The following INPP4B variants were observed in gnomAD, a reference collection of about 807,000 sequenced individuals.
The protein encoded by INPP4B is inositol polyphosphate 4-phosphatase type II.
In INPP4B, 55 loss-of-function variants were observed where a neutral mutation model predicts 122.5. That is an observed-to-expected ratio of 0.45 (90% CI 0.36 to 0.56). The LOEUF is 0.56. INPP4B is among the 20% of genes least tolerant of loss of function. The pLI is 0.00. For synonymous variants in INPP4B, 403 were observed against 388.7 expected, an observed-to-expected ratio of 1.04 and a Z score of -0.43; for missense variants, 1,000 against 1,097.7, an observed-to-expected ratio of 0.91 and a Z score of 1.26.
At chr4:142,717,186 A>T (rs1763888703) in intron 2 of INPP4B, among the ~76,000 whole-genome samples, 1 of 152,196 alleles carries the variant, frequency 6.6e-6, no homozygotes, top group Admixed American at 6.5e-5. Flanking sequence ...CATGCTAATG[A>T]GATTAGTGGC....
intron 1 of INPP4B, among the ~76,000 whole-genome samples, chr4:142,766,339 C>A (rs866810145): frequency 6.6e-6 from 1 of 151,554 alleles, no homozygotes; most frequent in Non-Finnish European, 1.5e-5. Context: ...TTAAATAATT[C>A]GTTTATGGTT....
chr4:142,207,530 C>A (rs1843047849), intron 14 of INPP4B, among the ~76,000 whole-genome samples: 1 of 152,228 alleles, frequency 6.6e-6, no homozygotes, highest in South Asian at 2.1e-4. Context: ...TGTTTGTATG[C>A]ATTTTCATGT....
chr4:142,065,199 G>C (rs910446009), intron 25 of INPP4B, among the ~76,000 whole-genome samples: 7 of 151,496 alleles, frequency 4.6e-5, no homozygotes, highest in Non-Finnish European at 1.0e-4. Context: ...GTAAGTGCAA[G>C]AGTAATGTCA....
chr4:142,633,219 A>G, intron 2 of INPP4B, among the ~76,000 whole-genome samples: 1 of 152,218 alleles, frequency 6.6e-6, no homozygotes, highest in East Asian at 1.9e-4. Context: ...AAATTTGTAA[A>G]CACCTAATAC....
chr4:142,703,430 G>T (rs1762065997), intron 2 of INPP4B, among the ~76,000 whole-genome samples: 1 of 152,096 alleles, frequency 6.6e-6, no homozygotes, highest in Admixed American at 6.5e-5. Flanking sequence ...AACATTATGA[G>T]GGGCAGAGAT....
At chr4:142,490,915 A>G (rs937240415) in intron 2 of INPP4B, among the ~76,000 whole-genome samples, 2 of 152,210 alleles carry the variant, frequency 1.3e-5, no homozygotes, top group South Asian at 2.1e-4. Flanking sequence ...TTAAGGCTGA[A>G]TAGTATAATA....
At chr4:142,807,303 A>G (rs1238311357) in intron 1 of INPP4B, among the ~76,000 whole-genome samples, 1 of 152,204 alleles carries the variant, frequency 6.6e-6, no homozygotes, top group Non-Finnish European at 1.5e-5. Context: ...TTGAAAACAG[A>G]CCATAGGAAT....
intron 2 of INPP4B, among the ~76,000 whole-genome samples, chr4:142,720,068 T>C (rs781653597): frequency 1.3e-5 from 2 of 152,206 alleles, no homozygotes; most frequent in African/African-American, 2.4e-5. Context: ...GTACAATTCC[T>C]GACAAATTAC....
chr4:142,325,530 A>G (rs1293040079), intron 7 of INPP4B, among the ~76,000 whole-genome samples: 1 of 152,128 alleles, frequency 6.6e-6, no homozygotes, highest in East Asian at 1.9e-4. Context: ...ATCATCTTTC[A>G]AATGTCAAAG....
chr4:142,704,031 G>A (rs1005145218), intron 2 of INPP4B, among the ~76,000 whole-genome samples: 5 of 152,088 alleles, frequency 3.3e-5, no homozygotes, highest in Non-Finnish European at 5.9e-5. Flanking sequence ...AGAGTGTGTC[G>A]GTAGGAATAT....
At chr4:142,838,734 T>C (rs899455672) in intron 1 of INPP4B, among the ~76,000 whole-genome samples, 14 of 152,208 alleles carry the variant, frequency 9.2e-5, no homozygotes, top group African/African-American at 3.1e-4. Context: ...GTCACAAAGA[T>C]TCATACATAG....
intron 2 of INPP4B, among the ~76,000 whole-genome samples, chr4:142,599,803 C>A (rs962813777): frequency 6.6e-6 from 1 of 151,646 alleles, no homozygotes; most frequent in African/African-American, 2.4e-5. Context: ...ATTTATACTA[C>A]GAGTGAGAAA....
At chr4:142,520,168 C>T (rs1199770830) in intron 2 of INPP4B, among the ~76,000 whole-genome samples, 1 of 151,900 alleles carries the variant, frequency 6.6e-6, no homozygotes, top group Non-Finnish European at 1.5e-5. Context: ...GCATGAATTA[C>T]AGCAAAATAA....
intron 1 of INPP4B, among the ~76,000 whole-genome samples, chr4:142,799,370 C>T (rs1270768981): frequency 6.6e-6 from 1 of 151,760 alleles, no homozygotes; most frequent in Non-Finnish European, 1.5e-5. Flanking sequence ...TTCCAAAAAA[C>T]ATACACTACA....
At chr4:142,839,231 G>C (rs920270585) in intron 1 of INPP4B, among the ~76,000 whole-genome samples, 2 of 152,186 alleles carry the variant, frequency 1.3e-5, no homozygotes, top group Non-Finnish European at 2.9e-5. Context: ...GCTAAGGCGG[G>C]TGGATAACCT....
chr4:142,778,399 A>G (rs1400393349), intron 1 of INPP4B, among the ~76,000 whole-genome samples: 1 of 152,190 alleles, frequency 6.6e-6, no homozygotes, highest in Non-Finnish European at 1.5e-5. Flanking sequence ...TTTGAGACTC[A>G]TGACTTGTTT....
intron 12 of INPP4B, among the ~76,000 whole-genome samples, chr4:142,227,069 A>G (rs1851900372): frequency 6.6e-6 from 1 of 152,166 alleles, no homozygotes; most frequent in Non-Finnish European, 1.5e-5. Context: ...TGAGAGTTGG[A>G]GGATTTAGAA....
intron 2 of INPP4B, among the ~76,000 whole-genome samples, chr4:142,532,844 T>G (rs1174871055): frequency 2.0e-5 from 3 of 152,332 alleles, no homozygotes; most frequent in South Asian, 2.1e-4. Context: ...AAATTCAGAT[T>G]TTTTAAATCT....
chr4:142,129,714 A>G (rs1396610623), intron 18 of INPP4B, among the ~76,000 whole-genome samples: 1 of 152,040 alleles, frequency 6.6e-6, no homozygotes, highest in African/African-American at 2.4e-5. Flanking sequence ...TTCTCCAACC[A>G]AGCCTTCCTG....
Sources: gnomAD v4.1 joint callset for allele counts (sites outside exome capture counted in the v4.1 genomes callset) on GRCh38, gnomAD v4.1.1 for gene constraint, MANE v1.5 for transcripts, NCBI Gene and HGNC (gene_info 2026-07-23, HGNC 2026-07-21) for gene names.